DNAJC1: variants seen among roughly 807,000 people sequenced by gnomAD.
DNAJC1 encodes DnaJ heat shock protein family (Hsp40) member C1.
Under a neutral mutation model 76.6 loss-of-function variants are expected in DNAJC1, and 58 were observed. The observed-to-expected ratio is 0.76, with a 90% CI of 0.61 to 0.94. The LOEUF is 0.94. DNAJC1 is among the 40% of genes least tolerant of loss of function. DNAJC1 has a pLI of 0.00. For synonymous variants in DNAJC1, 258 were observed against 267.9 expected (o/e 0.96, Z 0.36); for missense variants, 689 against 677.3 (o/e 1.02, Z -0.19).
intron 1 of DNAJC1, among the ~76,000 whole-genome samples, chr10:22,000,632 G>A (rs540067893): frequency 1.3e-5 from 2 of 152,292 alleles, no homozygotes; most frequent in African/African-American, 2.4e-5. Context: ...TTTGTCCTTC[G>A]AAATTCTTAT....
At chr10:21,885,973 C>T (rs972515370) in intron 7 of DNAJC1, among the ~76,000 whole-genome samples, 4 of 151,898 alleles carry the variant, frequency 2.6e-5, no homozygotes, top group Non-Finnish European at 4.4e-5. Context: ...GGAGACAAAA[C>T]ATAACCAAAA....
chr10:21,853,787 CA>C (rs1011936425), intron 8 of DNAJC1, among the ~76,000 whole-genome samples: 1,437 of 12,564 alleles, frequency 0.11, 5 homozygotes, highest in African/African-American at 0.17. Context: ...GACTCCATCT[CA>C]AAAAAAAAAA....
chr10:21,773,471 T>C (rs986452317), intron 9 of DNAJC1, among the ~76,000 whole-genome samples: 3 of 152,212 alleles, frequency 2.0e-5, no homozygotes, highest in Non-Finnish European at 4.4e-5. Flanking sequence ...TCTAATTTCA[T>C]TCTACTGGAA....
At chr10:21,856,172 T>C (rs1414452039) in intron 8 of DNAJC1, among the ~76,000 whole-genome samples, 1 of 152,184 alleles carries the variant, frequency 6.6e-6, no homozygotes, top group East Asian at 1.9e-4. Context: ...GAAACCAAAT[T>C]TTCCCAAGGA....
At chr10:21,867,572 G>C (rs1165268370) in intron 8 of DNAJC1, among the ~76,000 whole-genome samples, 3 of 152,022 alleles carry the variant, frequency 2.0e-5, no homozygotes, top group African/African-American at 4.8e-5. Context: ...CTAGCAAAAG[G>C]AATCTATTGA....
At chr10:21,858,366 G>A (rs1179284710) in intron 8 of DNAJC1, among the ~76,000 whole-genome samples, 1 of 152,092 alleles carries the variant, frequency 6.6e-6, no homozygotes, top group Non-Finnish European at 1.5e-5. Context: ...TTTCTATTTT[G>A]AAAAGGAAAA....
chr10:21,897,432 T>C (rs988408949), intron 7 of DNAJC1, among the ~76,000 whole-genome samples: 6 of 152,046 alleles, frequency 3.9e-5, no homozygotes, highest in African/African-American at 1.4e-4. Context: ...AAACTAGGAA[T>C]AGAGGGAAAC....
intron 8 of DNAJC1, among the ~76,000 whole-genome samples, chr10:21,813,206 C>CTATA (rs1835009682): frequency 1.4e-5 from 1 of 73,312 alleles, no homozygotes; most frequent in Non-Finnish European, 2.4e-5. Context: ...CTCTCTCTCT[C>CTATA]TCTCTCTCTC....
At chr10:21,963,387 T>C (rs1837834823) in intron 1 of DNAJC1, among the ~76,000 whole-genome samples, 1 of 152,190 alleles carries the variant, frequency 6.6e-6, no homozygotes, top group Admixed American at 6.5e-5. Context: ...AAATAGAATA[T>C]ACTTTTGGTA....
At chr10:21,944,997 A>G (rs1837482526) in intron 1 of DNAJC1, among the ~76,000 whole-genome samples, 1 of 152,260 alleles carries the variant, frequency 6.6e-6, no homozygotes, top group Admixed American at 6.5e-5. Flanking sequence ...TGGAACTGCC[A>G]GTTAAGCATC....
chr10:21,951,667 C>T (rs1392313793), intron 1 of DNAJC1, among the ~76,000 whole-genome samples: 1 of 152,090 alleles, frequency 6.6e-6, no homozygotes, highest in Non-Finnish European at 1.5e-5. Flanking sequence ...TTACCCATAA[C>T]TATTTTAAAT....
chr10:21,781,718 CAA>C (rs1298897674), intron 9 of DNAJC1, among the ~76,000 whole-genome samples: 3 of 87,332 alleles, frequency 3.4e-5, no homozygotes, highest in East Asian at 3.6e-4. Flanking sequence ...GCGACTGTCT[CAA>C]AAAAAAAAAA....
intron 1 of DNAJC1, among the ~76,000 whole-genome samples, chr10:21,940,178 GAAAT>G (rs1227558393): frequency 1.3e-5 from 2 of 151,880 alleles, no homozygotes; most frequent in Non-Finnish European, 2.9e-5. Flanking sequence ...AAATGCTTTA[GAAAT>G]AAGTTTCAAA....
chr10:21,772,038 T>TC (rs1050315743), intron 9 of DNAJC1, among the ~76,000 whole-genome samples: 1 of 152,112 alleles, frequency 6.6e-6, no homozygotes, highest in African/African-American at 2.4e-5. Flanking sequence ...CTCAAGGGAT[T>TC]CCCCCTGCTT....
chr10:21,814,914 T>C (rs568288050), intron 8 of DNAJC1, among the ~76,000 whole-genome samples: 29 of 152,282 alleles, frequency 1.9e-4, no homozygotes, highest in African/African-American at 6.5e-4. Context: ...AGCCCTTATG[T>C]TGAAATTTAG....
chr10:21,951,977 C>CT (rs1170097625), intron 1 of DNAJC1, among the ~76,000 whole-genome samples: 1 of 152,130 alleles, frequency 6.6e-6, no homozygotes, highest in Non-Finnish European at 1.5e-5. Flanking sequence ...TTCTGGGAGA[C>CT]TGTTACTACT....
chr10:21,980,120 C>A (rs1173067247), intron 1 of DNAJC1, among the ~76,000 whole-genome samples: 2 of 151,946 alleles, frequency 1.3e-5, no homozygotes, highest in African/African-American at 4.8e-5. Flanking sequence ...TATCTACTGA[C>A]CACAGGGCTA....
chr10:21,986,685 T>C (rs1838253580), intron 1 of DNAJC1, among the ~76,000 whole-genome samples: 1 of 152,224 alleles, frequency 6.6e-6, no homozygotes, highest in South Asian at 2.1e-4. Flanking sequence ...CTGGGATAAA[T>C]TCCACTTGAT....
intron 1 of DNAJC1, among the ~76,000 whole-genome samples, chr10:21,993,624 T>C (rs1406018751): frequency 6.6e-6 from 1 of 152,176 alleles, no homozygotes; most frequent in African/African-American, 2.4e-5. Flanking sequence ...TTCATTTATA[T>C]TTGTATTTAT....
Sources: gnomAD v4.1 joint callset for allele counts (sites outside exome capture counted in the v4.1 genomes callset) on GRCh38, gnomAD v4.1.1 for gene constraint, MANE v1.5 for transcripts, NCBI Gene and HGNC (gene_info 2026-07-23, HGNC 2026-07-21) for gene names.